The following TRIM13 variants were observed in gnomAD, a reference collection of about 807,000 sequenced individuals.
TRIM13 encodes tripartite motif containing 13.
In TRIM13, 15 loss-of-function variants were observed where a neutral mutation model predicts 27.1. That is an observed-to-expected ratio of 0.55 (90% CI 0.37 to 0.85). The LOEUF (loss-of-function observed/expected upper bound fraction) is 0.85. Among genes scored for constraint, TRIM13 ranks in the 40% least tolerant of loss-of-function variants. The pLI is 0.00. For missense variants in TRIM13, 402 were observed against 472.2 expected, an observed-to-expected ratio of 0.85 and a Z score of 1.38; for synonymous variants, 193 against 171.5, an observed-to-expected ratio of 1.13 and a Z score of -0.98.
rs147547977 is a variant in TRIM13 at position 50,016,357 on chromosome 13, A to T, written c.*3193A>T. 25 of 345,320 alleles carry T rather than the reference A, an allele frequency of 7.2e-5. No individual in the cohort carries two copies. The highest frequency in any genetic ancestry group is 1.8e-4 in the Admixed American group (4 of 22,352). The allele number at this position is 345,320 out of a possible 1,614,324, so 21.4% of individuals were successfully genotyped here. The stretch of plus-strand genomic sequence containing the variant: ...AAATCATGGGAGAAAATAATTTTGT[A>T]GATTATGTTCCATTGCTAATGAATT... On this transcript the variant is annotated 3_prime_UTR_variant, in exon 2 of 2. Coordinates refer to ENST00000378182, the MANE Select transcript of TRIM13 (RefSeq NM_213590.3).
At chr13:50,004,240 T>C (rs1874390383) in intron 1 of TRIM13, among the ~76,000 whole-genome samples, 1 of 152,110 alleles carries the variant, frequency 6.6e-6, no homozygotes, top group Non-Finnish European at 1.5e-5. Flanking sequence ...TCCCGACTGC[T>C]TGAGCTCAGG....
At chr13:50,008,238 G>C (rs1023852232) in intron 1 of TRIM13, among the ~76,000 whole-genome samples, 3 of 152,078 alleles carry the variant, frequency 2.0e-5, no homozygotes, top group African/African-American at 7.2e-5. Flanking sequence ...ATGGCCTACC[G>C]ATTAAGTCAT....
rs569730504 is a variant in TRIM13, at chr13:50,013,414, A to T, written c.*250A>T. The T allele has an allele frequency of 6.9e-5, 23 of 331,082 alleles. No individual in the cohort carries two copies. Among genetic ancestry groups the T allele is most frequent in the Non-Finnish European group, 1.0e-4 (18 of 173,616 alleles). 20.5% of individuals were successfully genotyped at this position (331,082 alleles called of 1,614,324 possible). Reference sequence around the variant, plus strand: ...TCCACCCCAAATGTTGGTTGTATTTATGCTGTGATAAAAATAGGTGAGAGA... The same window carrying T: ...TCCACCCCAAATGTTGGTTGTATTTTTGCTGTGATAAAAATAGGTGAGAGA... On this transcript the variant is annotated 3_prime_UTR_variant, in exon 2 of 2. Transcript: ENST00000378182.
chr13:50,012,858 C>G lies in TRIM13; in HGVS notation c.918C>G (p.Phe306Leu), dbSNP rs766584514. 43 of 1,613,980 alleles carry G rather than the reference C, an allele frequency of 2.7e-5. No individual in the cohort carries two copies. Among genetic ancestry groups the G allele is most frequent in the Non-Finnish European group, 3.5e-5 (41 of 1,180,014 alleles). The change falls in exon 2 of 2, where the codon TTC becomes TTG. Residue 306 changes from phenylalanine to leucine, a missense_variant. Coordinates refer to ENST00000378182, the MANE Select transcript of TRIM13 (RefSeq NM_213590.3). ...KLSLPQDTGTFISKIPWSFYK... is the reference protein window; with the variant it reads ...KLSLPQDTGTLISKIPWSFYK... ...CTTTGCCTCAAGACACTGGCACATT[C>G]ATTAGCAAGATTCCCTGGAGCTTTT...
At position 50,015,324 on chromosome 13, in the gene TRIM13, C is replaced by A; in HGVS notation, c.*2160C>A. ...AGGCAACTCGAATTTGCAAACACAG[C>A]CATGGATACACTATTTACCTTACAG... On this transcript the variant is annotated 3_prime_UTR_variant, in exon 2 of 2. Transcript: ENST00000378182. The A allele has an allele frequency of 1.7e-6, 1 of 583,338 alleles. No homozygotes were observed. The highest frequency in any genetic ancestry group is 1.9e-5 in the African/African-American group (1 of 53,002). 36.1% of individuals were successfully genotyped at this position (583,338 alleles called of 1,614,324 possible).
intron 1 of TRIM13, among the ~76,000 whole-genome samples, 194 bp from the exon 2 acceptor site, chr13:50,011,741 A>G (rs899599969): frequency 2.6e-5 from 4 of 152,198 alleles, no homozygotes; most frequent in African/African-American, 9.7e-5. Context: ...CCCTACTATT[A>G]AAGGAGCATG....
chr13:50,016,034 G>A lies in TRIM13; in HGVS notation c.*2870G>A, dbSNP rs920388286. 2.5e-6 allele frequency: 4 copies of A among 1,613,908 alleles called. No homozygotes were observed. In the African/African-American group the frequency reaches 5.3e-5, roughly 22 times the overall value. ...TTACCATGACCTGGTTTTCCAGTGT[G>A]GTTCTGACAGCACTACTGATAACCA... is the stretch of plus-strand genomic sequence containing the variant. On this transcript the variant is annotated 3_prime_UTR_variant, in exon 2 of 2. Coordinates refer to ENST00000378182, the MANE Select transcript of TRIM13 (RefSeq NM_213590.3).
In TRIM13 at chr13:50,015,087, AAAAAAAAATATATAT is replaced by A. The variant is rs1876246172; in HGVS notation, c.*1925_*1939del. ...CCCCTCCCAGTAATAAAAAAAAAAA[AAAAAAAAATATATAT>A]ATATATATATATATATATATATATA... On this transcript the variant is annotated 3_prime_UTR_variant, in exon 2 of 2. Coordinates refer to ENST00000378182, the MANE Select transcript of TRIM13 (RefSeq NM_213590.3). 7 of 54,798 alleles carry A rather than the reference AAAAAAAAATATATAT, an allele frequency of 1.3e-4. No individual in the cohort carries two copies. The highest frequency in any genetic ancestry group is 1.7e-3 in the South Asian group (2 of 1,204). The allele number at this position is 54,798 out of a possible 1,614,324, so 3.4% of individuals were successfully genotyped here. A position where few individuals can be genotyped will look rare whatever the true frequency, so the allele number is the denominator to read the frequency against.
intron 1 of TRIM13, among the ~76,000 whole-genome samples, chr13:50,005,755 T>G (rs570267116): frequency 1.3e-4 from 19 of 151,400 alleles, no homozygotes; most frequent in South Asian, 4.2e-4. Context: ...TTTTTTTTTT[T>G]TGTGATGGAG....
In TRIM13 at chr13:50,011,921, T is replaced by C; in HGVS notation, c.-6-14T>C. ...CGGTTATTGGAGTAAAATAATTTTT[T>C]TTTTTTCTGGTAGGATGTGATGGAG... On this transcript the variant is annotated splice_polypyrimidine_tract_variant and intron_variant, in intron 1 of 1. Transcript: ENST00000378182. 1 of 1,571,372 alleles carries C rather than the reference T, an allele frequency of 6.4e-7. No homozygotes were observed. Among genetic ancestry groups the C allele is most frequent in the Non-Finnish European group, 8.6e-7 (1 of 1,162,110 alleles).
intron 1 of TRIM13, among the ~76,000 whole-genome samples, chr13:49,999,302 A>T (rs957144319): frequency 6.6e-6 from 1 of 152,132 alleles, no homozygotes; most frequent in Non-Finnish European, 1.5e-5. Flanking sequence ...CCTGGGCCCT[A>T]TGTAAATCAC....
In TRIM13 at chr13:50,013,173, T is replaced by G. The variant is rs767808528; in HGVS notation, c.*9T>G. 1.4e-5 allele frequency: 22 copies of G among 1,533,186 alleles called. No individual in the cohort carries two copies. Among genetic ancestry groups the G allele is most frequent in the African/African-American group, 4.2e-5 (3 of 71,872 alleles). 95.0% of individuals were successfully genotyped at this position (1,533,186 alleles called of 1,614,324 possible). ...AATATAAACTATTATAAAATCTGTTTCAAGTATGCAGTTTTCTTTTGTTAG... is the reference window on the plus strand; with the variant it reads ...AATATAAACTATTATAAAATCTGTTGCAAGTATGCAGTTTTCTTTTGTTAG... On this transcript the variant is annotated 3_prime_UTR_variant, in exon 2 of 2. Coordinates refer to ENST00000378182, the MANE Select transcript of TRIM13 (RefSeq NM_213590.3).
chr13:50,012,594 G>C lies in TRIM13; in HGVS notation c.654G>C (p.Glu218Asp). ...CTGTTATGCAAGCATATGACCCAGA[G>C]ATCAACAAACTCAACACCATCTTGC... ...KLAVMQAYDPEINKLNTILQE... is the reference protein window; with the variant it reads ...KLAVMQAYDPDINKLNTILQE... The change falls in exon 2 of 2, where the codon GAG becomes GAC. Residue 218 changes from glutamate to aspartate, a missense_variant. Physicochemically the swap from Glu to Asp is conservative, Grantham distance 45. Around this residue, in one of 2 missense-constraint regions of TRIM13, gnomAD observed 202 missense variants for 277.5 expected, o/e 0.73. Coordinates refer to ENST00000378182, the MANE Select transcript of TRIM13 (RefSeq NM_213590.3). The C allele has an allele frequency of 1.1e-5, 17 of 1,614,148 alleles. No homozygotes were observed. Among genetic ancestry groups the C allele is most frequent in the Non-Finnish European group, 1.4e-5 (16 of 1,180,018 alleles).
chr13:50,004,204 T>A (rs1874384541), intron 1 of TRIM13, among the ~76,000 whole-genome samples: 1 of 152,228 alleles, frequency 6.6e-6, no homozygotes, highest in Non-Finnish European at 1.5e-5. Flanking sequence ...CTCTTGCCTG[T>A]ATAATCAGCA....
At chr13:50,002,402 AAAAC>A (rs1010111249) in intron 1 of TRIM13, among the ~76,000 whole-genome samples, 8 of 152,274 alleles carry the variant, frequency 5.3e-5, no homozygotes, top group African/African-American at 1.2e-4. Flanking sequence ...AACAAAAACA[AAAAC>A]AAACCATACT....
chr13:50,016,149 T>C lies in TRIM13; in HGVS notation c.*2985T>C. The stretch of plus-strand genomic sequence containing the variant: ...CTAAAAACTTGAAGTTCCTCAGGCC[T>C]GTAACTTCTGGAAAAGATGATTATT... On this transcript the variant is annotated 3_prime_UTR_variant, in exon 2 of 2. Transcript: ENST00000378182. 9.9e-7 allele frequency: 1 copy of C among 1,007,654 alleles called. No homozygotes were observed. The highest frequency in any genetic ancestry group is 1.5e-6 in the Non-Finnish European group (1 of 681,682). The allele number at this position is 1,007,654 out of a possible 1,614,324, so 62.4% of individuals were successfully genotyped here. A position where few individuals can be genotyped will look rare whatever the true frequency, so the allele number is the denominator to read the frequency against.
At chr13:50,009,732 G>T (rs1159295303) in intron 1 of TRIM13, among the ~76,000 whole-genome samples, 1 of 56,388 alleles carries the variant, frequency 1.8e-5, no homozygotes, top group African/African-American at 5.8e-5. Context: ...GTCAGACTCC[G>T]TCTCAAAAAA....
chr13:50,013,156 C>G lies in TRIM13; in HGVS notation c.1216C>G (p.Leu406Val), dbSNP rs199988106. 15 of 1,560,200 alleles carry G rather than the reference C, an allele frequency of 9.6e-6. No homozygotes were observed. Among genetic ancestry groups the G allele is most frequent in the Non-Finnish European group, 8.6e-7 (1 of 1,156,658 alleles). Residue 406 changes from leucine (L) to valine (V), a missense_variant, in exon 2 of 2, where the codon CTA (leucine) becomes GTA (valine). Physicochemically the swap from Leu to Val is conservative, Grantham distance 32. Coordinates refer to ENST00000378182, the MANE Select transcript of TRIM13 (RefSeq NM_213590.3). ...NVAEFVCKYK[L>V]L Reference sequence around the variant, plus strand: ...GGCAGAATTTGTGTGCAAATATAAACTATTATAAAATCTGTTTCAAGTATG... The same window carrying G: ...GGCAGAATTTGTGTGCAAATATAAAGTATTATAAAATCTGTTTCAAGTATG...
chr13:50,013,275 C>A lies in TRIM13; in HGVS notation c.*111C>A. 8.7e-7 allele frequency: 1 copy of A among 1,143,526 alleles called. No homozygotes were observed. 70.8% of individuals were successfully genotyped at this position (1,143,526 alleles called of 1,614,324 possible). On this transcript the variant is annotated 3_prime_UTR_variant, in exon 2 of 2. Transcript: ENST00000378182. The stretch of plus-strand genomic sequence containing the variant: ...TCACATATTTTCCTCCAAAAGTATT[C>A]CTTCCAAAAATAATCTATACATGTT...
Sources: allele counts gnomAD v4.1 joint callset (sites outside exome capture counted in the v4.1 genomes callset), GRCh38; gene constraint gnomAD v4.1.1; regional missense constraint gnomAD v4.1.1; transcripts MANE v1.5; gene names NCBI Gene and HGNC (gene_info 2026-07-23, HGNC 2026-07-21).